The following ATAD2B variants were observed in gnomAD, a reference collection of about 807,000 sequenced individuals.
The protein encoded by ATAD2B is ATPase family AAA domain-containing protein 2B.
Under a neutral mutation model 167.6 loss-of-function variants are expected in ATAD2B, and 40 were observed. The ratio of observed to expected loss-of-function variants is 0.24; its 90% CI spans 0.19 to 0.31. The LOEUF is 0.31. ATAD2B is among the 10% of genes least tolerant of loss of function. The pLI, the probability that ATAD2B is intolerant of heterozygous loss-of-function variation, is 1.00. For missense variants in ATAD2B, 1,242 were observed against 1,757.2 expected (o/e 0.71, Z 5.24); for synonymous variants, 579 against 596.5 (o/e 0.97, Z 0.43).
chr2:23,706,371 C>T, the ATAD2B span: 6 of 825,864 alleles, frequency 7.3e-6, no homozygotes, highest in African/African-American at 1.1e-4. Context: ...TCCCAGATGC[C>T]TTCTGCAAAA....
In ATAD2B at chr2:23,781,338, AAAT is replaced by A. The variant is rs1328596796; in HGVS notation, c.3133+1528_3133+1530del. Among the ~76,000 whole-genome samples the A allele has an allele frequency of 4.2e-5, 5 of 119,196 alleles. No individual in the cohort carries two copies. In the East Asian group the frequency reaches 6.3e-4, roughly 15 times the overall value. 78.2% of individuals were successfully genotyped at this position (119,196 alleles called of 152,430 possible). ...AACATTGTCCTGACCACAAAAAAAT[AAAT>A]AAATAAATAAATAAATAAATAAATA... is the stretch of plus-strand genomic sequence containing the variant. On this transcript the variant is annotated intron_variant, in intron 22 of 27. Coordinates refer to ENST00000238789, the MANE Select transcript of ATAD2B (RefSeq NM_017552.4).
At chr2:23,764,403 G>A (rs1677135616) in intron 23 of ATAD2B, among the ~76,000 whole-genome samples, 1 of 152,158 alleles carries the variant, frequency 6.6e-6, no homozygotes, top group African/African-American at 2.4e-5. Flanking sequence ...TATTCTCAGA[G>A]AATCTAATTC....
At position 23,816,420 on chromosome 2, in the gene ATAD2B, T is replaced by C. The variant is rs536267805; in HGVS notation, c.2267+3327A>G. 6.6e-5 allele frequency among the ~76,000 whole-genome samples: 10 copies of C among 152,330 alleles called. No homozygotes were observed. In the South Asian group the frequency reaches 1.7e-3, roughly 25 times the overall value. On this transcript the variant is annotated intron_variant, in intron 17 of 27. Coordinates refer to ENST00000238789, the MANE Select transcript of ATAD2B (RefSeq NM_017552.4). ...TTTACCAATAAGGGTCTATAAATTA[T>C]GGAATATCCAAAGTGTAAGATAATA...
At chr2:23,790,474 G>A (rs1245476208) in intron 19 of ATAD2B, among the ~76,000 whole-genome samples, 2 of 151,726 alleles carry the variant, frequency 1.3e-5, no homozygotes, top group African/African-American at 2.4e-5. Context: ...TCAATACTAT[G>A]TTAACACTTT....
chr2:23,856,925 T>C (rs941834032), intron 13 of ATAD2B, among the ~76,000 whole-genome samples: 3 of 149,762 alleles, frequency 2.0e-5, no homozygotes, highest in Non-Finnish European at 3.0e-5. Flanking sequence ...AAAGGTCAGA[T>C]AGGCTGGACA....
At chr2:23,891,188 T>G (rs751339789) in intron 2 of ATAD2B, among the ~76,000 whole-genome samples, 4 of 151,916 alleles carry the variant, frequency 2.6e-5, no homozygotes, top group Non-Finnish European at 5.9e-5. Flanking sequence ...GCCCAGCTAA[T>G]TTTTGTATTT....
chr2:23,706,731 T>A, the ATAD2B span: 1 of 1,216,008 alleles, frequency 8.2e-7, no homozygotes, highest in Non-Finnish European at 1.1e-6. Context: ...GCAATGATAA[T>A]TTTCCAGCGA....
intron 16 of ATAD2B, 83 bp from the exon 17 acceptor site, chr2:23,819,965 T>TA (rs1280017540): frequency 2.0e-6 from 2 of 977,268 alleles, no homozygotes; most frequent in Non-Finnish European, 2.9e-6. Flanking sequence ...AAAATTGGGT[T>TA]AAAAAATCAA....
At position 23,823,278 on chromosome 2, in the gene ATAD2B, C is replaced by A; in HGVS notation, c.2111G>T (p.Ser704Ile). The change falls in exon 16 of 28, where the codon AGC becomes ATC. Residue 704 changes from serine (S) to isoleucine (I), a missense_variant. Transcript: ENST00000238789. ...AGTACCTTCTTTTTTGTCACTCTGG[C>A]TAATTTCAGCATGAGGAAACACTTT... ...LQKVFPHAEISQSDKKEDIET... is the reference protein window; with the variant it reads ...LQKVFPHAEIIQSDKKEDIET... 6.2e-7 allele frequency: 1 copy of A among 1,610,962 alleles called. No individual in the cohort carries two copies. The highest frequency in any genetic ancestry group is 8.5e-7 in the Non-Finnish European group (1 of 1,177,766).
At chr2:23,837,914 A>G (rs953680490) in intron 13 of ATAD2B, among the ~76,000 whole-genome samples, 1 of 152,250 alleles carries the variant, frequency 6.6e-6, no homozygotes, top group African/African-American at 2.4e-5. Flanking sequence ...ATTTCTGAAT[A>G]TAAGTGTTTC....
chr2:23,759,937 A>G (rs955654198), intron 24 of ATAD2B, among the ~76,000 whole-genome samples: 3 of 152,200 alleles, frequency 2.0e-5, no homozygotes, highest in African/African-American at 7.2e-5. Context: ...CTGACAGGCC[A>G]TTCCTGACAC....
At chr2:23,857,946 C>T (rs1223621227) in intron 12 of ATAD2B, among the ~76,000 whole-genome samples, 17 of 151,528 alleles carry the variant, frequency 1.1e-4, no homozygotes, top group Non-Finnish European at 2.1e-4. Context: ...GGTTTCACCA[C>T]GTTAGTCAGG....
At chr2:23,791,056 G>A (rs538534326) in intron 19 of ATAD2B, among the ~76,000 whole-genome samples, 113 of 152,250 alleles carry the variant, frequency 7.4e-4, no homozygotes, top group African/African-American at 2.6e-3. Flanking sequence ...TCATACAACT[G>A]ACAGTCTTTT....
At chr2:23,792,959 T>A (rs1463183827) in intron 19 of ATAD2B, among the ~76,000 whole-genome samples, 1 of 37,424 alleles carries the variant, frequency 2.7e-5, no homozygotes, top group Non-Finnish European at 4.7e-5. Context: ...AGAGACTCTG[T>A]CTCAAAAAAA....
rs1227281730 is a variant in ATAD2B, at chr2:23,810,441, A to C, written c.2329T>G (p.Ser777Ala). 6.2e-7 allele frequency: 1 copy of C among 1,613,934 alleles called. No individual in the cohort carries two copies. The highest frequency in any genetic ancestry group is 1.1e-5 in the South Asian group (1 of 91,082). ...PRLLLSGERGSGQTSHLAPAL... is the reference protein window; with the variant it reads ...PRLLLSGERGAGQTSHLAPAL... ...GGAGCAAGGTGAGAAGTTTGACCTG[A>C]GCCCCGTTCTCCAGAGAGCAATAAG... Residue 777 changes from serine to alanine, a missense_variant, in exon 18 of 28, where the codon TCA (serine) becomes GCA (alanine). By Grantham distance (99) the Ser-to-Ala change is moderately conservative. Coordinates refer to ENST00000238789, the MANE Select transcript of ATAD2B (RefSeq NM_017552.4).
chr2:23,682,294 A>G, the ATAD2B span, among the ~76,000 whole-genome samples: 2 of 152,122 alleles, frequency 1.3e-5, no homozygotes, highest in Admixed American at 6.5e-5. This position sits in a 1 kb window ranked among gnomAD's most constrained non-coding sequence, Gnocchi z 4.1. Flanking sequence ...ATGCTGTCTC[A>G]TGGAACCTTC....
chr2:23,877,540 AGGGAGGGGAGGGCAGGGGAAGGGAG>A (rs1335351600), intron 7 of ATAD2B, among the ~76,000 whole-genome samples: 6 of 17,568 alleles, frequency 3.4e-4, no homozygotes, highest in Non-Finnish European at 6.2e-4. Context: ...GGGGAGGGGA[AGGGAGGGGAGGGCAGGGGAAGGGAG>A]GGGAGGGGAG....
At chr2:23,908,139 T>C (rs1701757489) in intron 1 of ATAD2B, among the ~76,000 whole-genome samples, 1 of 151,934 alleles carries the variant, frequency 6.6e-6, no homozygotes, top group South Asian at 2.1e-4. Flanking sequence ...AATTGACAAA[T>C]GGGATCTAAT....
intron 14 of ATAD2B, among the ~76,000 whole-genome samples, chr2:23,829,577 C>T (rs1230289712): frequency 3.9e-5 from 6 of 151,952 alleles, no homozygotes; most frequent in Admixed American, 3.9e-4. Flanking sequence ...ATAGTGACAC[C>T]CTGTCTCTAC....
Sources: gnomAD v4.1 joint callset for allele counts (sites outside exome capture counted in the v4.1 genomes callset) on GRCh38, gnomAD v4.1.1 for gene constraint, Gnocchi (gnomAD v3.1) non-coding constraint, MANE v1.5 for transcripts, NCBI Gene and HGNC (gene_info 2026-07-23, HGNC 2026-07-21) for gene names.